EFNA3: variants seen among roughly 807,000 people sequenced by gnomAD.
EFNA3 encodes the protein ephrin A3, also known as ephrin-A3.
EFNA3 carries 15 observed loss-of-function variants against 25.0 expected under a neutral mutation model. That is an observed-to-expected ratio of 0.60 (90% confidence interval 0.40 to 0.92). EFNA3 has a LOEUF of 0.92. Among genes scored for constraint, EFNA3 ranks in the 40% least tolerant of loss-of-function variants. The probability of loss-of-function intolerance (pLI) is 0.00; values close to 1 mark genes in which losing one functional copy is unlikely to be tolerated. For synonymous variants in EFNA3, 153 were observed against 145.6 expected, an observed-to-expected ratio of 1.05 and a Z score of -0.37; for missense variants, 298 against 323.8, an observed-to-expected ratio of 0.92 and a Z score of 0.61.
Position 155,085,509 on chromosome 1 carries a change from A to C in EFNA3, c.442+105A>C. The C allele has an allele frequency of 6.6e-6, 9 of 1,371,284 alleles. No homozygotes were observed. The highest frequency in any genetic ancestry group is 8.7e-6 in the Non-Finnish European group (9 of 1,032,646). The allele number at this position is 1,371,284 out of a possible 1,614,324, so 84.9% of individuals were successfully genotyped here. ...GGGCGGGGCCGGCGCGGCGGGCGCCAGGTCTCGCGGCTGAGACCAGGGAGG... is the reference window on the plus strand; with the variant it reads ...GGGCGGGGCCGGCGCGGCGGGCGCCCGGTCTCGCGGCTGAGACCAGGGAGG... On this transcript the variant is annotated intron_variant, in intron 2 of 4. Coordinates refer to ENST00000368408, the MANE Select transcript of EFNA3 (RefSeq NM_004952.5). The surrounding 1 kb of genome is among the most constrained non-coding windows in gnomAD (Gnocchi z 4.4).
chr1:155,079,884 C>G lies in EFNA3; in HGVS notation c.128+815C>G, dbSNP rs1422189629. On this transcript the variant is annotated intron_variant, in intron 1 of 4. Transcript: ENST00000368408. This position sits in a 1 kb window ranked among gnomAD's most constrained non-coding sequence, Gnocchi z 7.7. Reference sequence around the variant, plus strand: ...CGGGGAAGGGGCTGCGGTCGCTGTCCGCGCGGCCAGCTGCGTCTGGGCTGG... The same window carrying G: ...CGGGGAAGGGGCTGCGGTCGCTGTCGGCGCGGCCAGCTGCGTCTGGGCTGG... Among the ~76,000 whole-genome samples, 2 of 151,822 alleles carry G rather than the reference C, an allele frequency of 1.3e-5. No homozygotes were observed. The highest frequency in any genetic ancestry group is 2.4e-5 in the African/African-American group (1 of 41,304).
In EFNA3 at chr1:155,081,936, C is replaced by T. The variant is rs1184546000; in HGVS notation, c.128+2867C>T. On this transcript the variant is annotated intron_variant, in intron 1 of 4. Transcript: ENST00000368408. The surrounding 1 kb of genome is among the most constrained non-coding windows in gnomAD (Gnocchi z 5.2). ...CTGCAGATCAATAAACCTTCGCCGCCGCCGCCGCCGCTGTCGCAGGGAGGA... is the reference window on the plus strand; with the variant it reads ...CTGCAGATCAATAAACCTTCGCCGCTGCCGCCGCCGCTGTCGCAGGGAGGA... Among the ~76,000 whole-genome samples, 2 of 152,242 alleles carry T rather than the reference C, an allele frequency of 1.3e-5. No individual in the cohort carries two copies. The highest frequency in any genetic ancestry group is 2.9e-5 in the Non-Finnish European group (2 of 68,028).
At position 155,086,490 on chromosome 1, in the gene EFNA3, C is replaced by G. The variant is rs770016903; in HGVS notation, c.664C>G (p.Leu222Val). The G allele has an allele frequency of 1.2e-6, 2 of 1,614,138 alleles. No individual in the cohort carries two copies. The highest frequency in any genetic ancestry group is 1.7e-5 in the Admixed American group (1 of 60,020). Reference protein sequence around the residue: ...ISGTSPKREHLPLAVGIAFFL... With the variant: ...ISGTSPKREHVPLAVGIAFFL... ...CGGGACCAGCCCCAAACGGGAACAC[C>G]TGCCCCTGGCCGTGGGCATCGCCTT... The change falls in exon 5 of 5, where the codon CTG becomes GTG. Residue 222 changes from leucine (L) to valine (V), a missense_variant. Coordinates refer to ENST00000368408, the MANE Select transcript of EFNA3 (RefSeq NM_004952.5).
At chr1:155,082,354 C>G (rs1663358743) in intron 1 of EFNA3, among the ~76,000 whole-genome samples, 1 of 152,184 alleles carries the variant, frequency 6.6e-6, no homozygotes, top group Admixed American at 6.5e-5. Context: ...GTTCAGGGCC[C>G]CCTGGGATCC....
Position 155,078,877 on chromosome 1 carries a change from T to A in EFNA3, c.-65T>A. On this transcript the variant is annotated 5_prime_UTR_variant, in exon 1 of 5. Coordinates refer to ENST00000368408, the MANE Select transcript of EFNA3 (RefSeq NM_004952.5). ...GCCGACGGCGGCGGCAGCAGGGAGC[T>A]GGGAAGCGGAGAAGCCGGGAGCGCG... The A allele has an allele frequency of 7.5e-7, 1 of 1,325,568 alleles. No individual in the cohort carries two copies. The allele number at this position is 1,325,568 out of a possible 1,614,324, so 82.1% of individuals were successfully genotyped here.
In EFNA3 at chr1:155,085,588, A is replaced by G. The variant is rs2102453819; in HGVS notation, c.442+184A>G. 1.3e-6 allele frequency: 1 copy of G among 785,284 alleles called. No homozygotes were observed. The highest frequency in any genetic ancestry group is 2.0e-6 in the Non-Finnish European group (1 of 506,606). 48.6% of individuals were successfully genotyped at this position (785,284 alleles called of 1,614,324 possible). On this transcript the variant is annotated intron_variant, in intron 2 of 4. Coordinates refer to ENST00000368408, the MANE Select transcript of EFNA3 (RefSeq NM_004952.5). This position sits in a 1 kb window ranked among gnomAD's most constrained non-coding sequence, Gnocchi z 4.4. ...TCAGCTCAGACGAGGTCGTGGGGCC[A>G]AGAGAGGAGTTTGGTGACAGTCCCA...
chr1:155,086,435 T>G lies in EFNA3; in HGVS notation c.609T>G (p.Pro203=), dbSNP rs1191590599. 3 of 1,613,966 alleles carry G rather than the reference T, an allele frequency of 1.9e-6. No homozygotes were observed. In the Admixed American group the frequency reaches 5.0e-5, roughly 27 times the overall value. ...NVLEDFEGEN[P]QVPKLEKSIS... is the part of the protein sequence containing the mutation. ...CAGAAGACTTTGAGGGAGAGAACCC[T>G]CAGGTGCCCAAGCTTGAGAAGAGCA... The change falls in exon 5 of 5, where the codon CCT becomes CCG. Residue 203 remains proline, a synonymous_variant. Coordinates refer to ENST00000368408, the MANE Select transcript of EFNA3 (RefSeq NM_004952.5).
chr1:155,085,647 G>C lies in EFNA3; in HGVS notation c.443-230G>C, dbSNP rs1663440086. 2 of 681,582 alleles carry C rather than the reference G, an allele frequency of 2.9e-6. No individual in the cohort carries two copies. Among genetic ancestry groups the C allele is most frequent in the East Asian group, 5.5e-5 (2 of 36,520 alleles). 42.2% of individuals were successfully genotyped at this position (681,582 alleles called of 1,614,324 possible). ...CTGCGGAGAATCGCTGTTTCTGTGA[G>C]GGACATTCCGGGGTTGGAACATCAG... On this transcript the variant is annotated intron_variant, in intron 2 of 4. Coordinates refer to ENST00000368408, the MANE Select transcript of EFNA3 (RefSeq NM_004952.5). The surrounding 1 kb of genome is among the most constrained non-coding windows in gnomAD (Gnocchi z 4.4).
rs1663332830 is a variant in EFNA3 at position 155,081,010 on chromosome 1, G to T, written c.128+1941G>T. Among the ~76,000 whole-genome samples the T allele has an allele frequency of 6.6e-6, 1 of 151,918 alleles. No homozygotes were observed. Among genetic ancestry groups the T allele is most frequent in the Non-Finnish European group, 1.5e-5 (1 of 67,900 alleles). On this transcript the variant is annotated intron_variant, in intron 1 of 4. Transcript: ENST00000368408. This position sits in a 1 kb window ranked among gnomAD's most constrained non-coding sequence, Gnocchi z 5.2. The stretch of plus-strand genomic sequence containing the variant: ...GGGGGCGGGGCCGACCGAGCCACAG[G>T]CTCCCGCGCCCCCTCCCCCTAGTCA...
rs1663328052 is a variant in EFNA3, at chr1:155,080,767, C to T, written c.128+1698C>T. Among the ~76,000 whole-genome samples the T allele has an allele frequency of 6.6e-6, 1 of 152,172 alleles. No individual in the cohort carries two copies. On this transcript the variant is annotated intron_variant, in intron 1 of 4. Coordinates refer to ENST00000368408, the MANE Select transcript of EFNA3 (RefSeq NM_004952.5). This position sits in a 1 kb window ranked among gnomAD's most constrained non-coding sequence, Gnocchi z 7.0. ...GGTGGGGGAGCCCGGGTTCCGGGAGCCTCCTTTCTGTCCTCTCTACTCCGT... is the reference window on the plus strand; with the variant it reads ...GGTGGGGGAGCCCGGGTTCCGGGAGTCTCCTTTCTGTCCTCTCTACTCCGT...
At chr1:155,082,264 A>G (rs1663357093) in intron 1 of EFNA3, among the ~76,000 whole-genome samples, 1 of 152,264 alleles carries the variant, frequency 6.6e-6, no homozygotes. Flanking sequence ...CCGGGTCTAC[A>G]TTCGTCCTCC....
chr1:155,079,038 C>A lies in EFNA3; in HGVS notation c.97C>A (p.His33Asn). Residue 33 changes from histidine to asparagine, a missense_variant, in exon 1 of 5, where the codon CAT (histidine) becomes AAT (asparagine). By Grantham distance (68) the His-to-Asn change is moderately conservative (BLOSUM62 1). Transcript: ENST00000368408. The surrounding 1 kb of genome is among the most constrained non-coding windows in gnomAD (Gnocchi z 7.7). ...GCCCGGAGGGGCGCTGGGAAACCGG[C>A]ATGCGGTGTACTGGAACAGCTCCAA... ...QGPGGALGNR[H>N]AVYWNSSNQH... 1 of 1,411,758 alleles carries A rather than the reference C, an allele frequency of 7.1e-7. No individual in the cohort carries two copies. 87.5% of individuals were successfully genotyped at this position (1,411,758 alleles called of 1,614,324 possible).
At position 155,078,861 on chromosome 1, in the gene EFNA3, G is replaced by A. The variant is rs1455128841; in HGVS notation, c.-81G>A. On this transcript the variant is annotated 5_prime_UTR_variant, in exon 1 of 5. Coordinates refer to ENST00000368408, the MANE Select transcript of EFNA3 (RefSeq NM_004952.5). ...TGGCCTAAGGCTGGGGGCCGACGGCGGCGGCAGCAGGGAGCTGGGAAGCGG... is the reference window on the plus strand; with the variant it reads ...TGGCCTAAGGCTGGGGGCCGACGGCAGCGGCAGCAGGGAGCTGGGAAGCGG... The A allele has an allele frequency of 1.5e-5, 19 of 1,301,162 alleles. No individual in the cohort carries two copies. The South Asian group carries it at 2.1e-4, about 14-fold the overall frequency. 80.6% of individuals were successfully genotyped at this position (1,301,162 alleles called of 1,614,324 possible).
In EFNA3 at chr1:155,085,757, G is replaced by T; in HGVS notation, c.443-120G>T. On this transcript the variant is annotated intron_variant, in intron 2 of 4. Coordinates refer to ENST00000368408, the MANE Select transcript of EFNA3 (RefSeq NM_004952.5). The surrounding 1 kb of genome is among the most constrained non-coding windows in gnomAD (Gnocchi z 4.4). ...AAGTGACCCGTGTCCAAAGGGTAGG[G>T]GAGCTCCTGAAGGAGACCGCCCGAC... The T allele has an allele frequency of 8.4e-7, 1 of 1,187,966 alleles. No homozygotes were observed. The highest frequency in any genetic ancestry group is 1.2e-6 in the Non-Finnish European group (1 of 828,040). The allele number at this position is 1,187,966 out of a possible 1,614,324, so 73.6% of individuals were successfully genotyped here.
chr1:155,087,300 CT>C lies in EFNA3; in HGVS notation c.*758del, dbSNP rs1011489116. 6.5e-6 allele frequency: 1 copy of C among 152,892 alleles called. No homozygotes were observed. Among genetic ancestry groups the C allele is most frequent in the Non-Finnish European group, 1.5e-5 (1 of 68,116 alleles). The allele number at this position is 152,892 out of a possible 1,614,324, so 9.5% of individuals were successfully genotyped here. A position where few individuals can be genotyped will look rare whatever the true frequency, so the allele number is the denominator to read the frequency against. Reference sequence around the variant, plus strand: ...AGGCCCCCCACACCTGGGGGACCCCCTGGCCCCTCTTTTGTCTTCTGTGAAG... The same window carrying C: ...AGGCCCCCCACACCTGGGGGACCCCCGGCCCCTCTTTTGTCTTCTGTGAAG... On this transcript the variant is annotated 3_prime_UTR_variant, in exon 5 of 5. Transcript: ENST00000368408.
chr1:155,086,351 G>A (rs1301720029), intron 4 of EFNA3, 62 bp from the exon 5 acceptor site: 5 of 1,603,084 alleles, frequency 3.1e-6, no homozygotes, highest in African/African-American at 1.3e-5. Context: ...TGCTGCTGCC[G>A]CGTGCCCCTG....
In EFNA3 at chr1:155,079,335, G is replaced by T. The variant is rs1282670586; in HGVS notation, c.128+266G>T. On this transcript the variant is annotated intron_variant, in intron 1 of 4. Coordinates refer to ENST00000368408, the MANE Select transcript of EFNA3 (RefSeq NM_004952.5). This position sits in a 1 kb window ranked among gnomAD's most constrained non-coding sequence, Gnocchi z 7.7. ...CCCCACCCCATCTTGGCTTCTCTCC[G>T]CACCCGCCGCTGGAATAGCATGCCC... Among the ~76,000 whole-genome samples the T allele has an allele frequency of 6.6e-6, 1 of 152,128 alleles. No homozygotes were observed. Among genetic ancestry groups the T allele is most frequent in the Non-Finnish European group, 1.5e-5 (1 of 68,012 alleles).
chr1:155,086,486 A>G lies in EFNA3; in HGVS notation c.660A>G (p.Glu220=), dbSNP rs1663464833. 6.2e-7 allele frequency: 1 copy of G among 1,613,864 alleles called. No homozygotes were observed. Among genetic ancestry groups the G allele is most frequent in the Non-Finnish European group, 8.5e-7 (1 of 1,179,958 alleles). Residue 220 remains glutamate, a synonymous_variant, in exon 5 of 5, where the codon GAA becomes GAG. Coordinates refer to ENST00000368408, the MANE Select transcript of EFNA3 (RefSeq NM_004952.5). ...KSISGTSPKR[E]HLPLAVGIAF... ...TCAGCGGGACCAGCCCCAAACGGGAACACCTGCCCCTGGCCGTGGGCATCG... is the reference window on the plus strand; with the variant it reads ...TCAGCGGGACCAGCCCCAAACGGGAGCACCTGCCCCTGGCCGTGGGCATCG...
rs374161573 is a variant in EFNA3 at position 155,086,314 on chromosome 1, T to C, written c.587-99T>C. On this transcript the variant is annotated intron_variant, in intron 4 of 4. Transcript: ENST00000368408. ...CTGGGGGCACTGATACTTCCTACCC[T>C]GTGGGTGGTCACGTCCCTGGCTCCA... is the stretch of plus-strand genomic sequence containing the variant. 1.0e-5 allele frequency: 16 copies of C among 1,594,348 alleles called. No individual in the cohort carries two copies. In the African/African-American group the frequency reaches 1.9e-4, roughly 19 times the overall value.
Sources: gnomAD v4.1 joint callset for allele counts (sites outside exome capture counted in the v4.1 genomes callset) on GRCh38, gnomAD v4.1.1 for gene constraint, Gnocchi (gnomAD v3.1) non-coding constraint, MANE v1.5 for transcripts, NCBI Gene and HGNC (gene_info 2026-07-23, HGNC 2026-07-21) for gene names.